Variants in SPAG16 observed in about 807,000 individuals in gnomAD.
The protein encoded by SPAG16 is sperm-associated antigen 16 protein.
A neutral mutation model predicts 80.4 loss-of-function variants in SPAG16; 86 were observed. That is an observed-to-expected ratio of 1.07 (90% CI 0.90 to 1.28). The LOEUF (loss-of-function observed/expected upper bound fraction) is 1.28, where lower values mean the gene tolerates loss of function less well. Among genes scored for constraint, SPAG16 ranks in the 50% most tolerant of loss-of-function variants. The pLI is 0.00. For missense variants in SPAG16, 870 were observed against 765.3 expected (o/e 1.14, Z -1.61); for synonymous variants, 294 against 265.9 (o/e 1.11, Z -1.03).
chr2:213,456,472 T>C (rs970265565), intron 9 of SPAG16, among the ~76,000 whole-genome samples: 5 of 152,234 alleles, frequency 3.3e-5, no homozygotes, highest in Admixed American at 6.5e-5. Flanking sequence ...AATTTTTTGA[T>C]GTTTTGAAAA....
chr2:213,462,349 G>T (rs2072422668), intron 9 of SPAG16, among the ~76,000 whole-genome samples: 1 of 152,190 alleles, frequency 6.6e-6, no homozygotes, highest in Admixed American at 6.5e-5. Context: ...AGCCATAAAA[G>T]CACCTCAGTG....
intron 9 of SPAG16, among the ~76,000 whole-genome samples, chr2:213,414,471 C>G (rs1307952663): frequency 2.6e-5 from 4 of 151,976 alleles, no homozygotes; most frequent in South Asian, 2.1e-4. Flanking sequence ...TAGCTTGAAT[C>G]TAGATTTCAA....
At chr2:213,949,770 C>A (rs181936175) in intron 12 of SPAG16, among the ~76,000 whole-genome samples, 1 of 152,274 alleles carries the variant, frequency 6.6e-6, no homozygotes, top group East Asian at 1.9e-4. Flanking sequence ...AAAATCCACA[C>A]AGAAACTATG....
At chr2:213,990,777 C>T (rs2046240422) in intron 12 of SPAG16, among the ~76,000 whole-genome samples, 1 of 151,950 alleles carries the variant, frequency 6.6e-6, no homozygotes, top group South Asian at 2.1e-4. Context: ...AGTTTAAACC[C>T]ATGTTGTTAA....
intron 10 of SPAG16, among the ~76,000 whole-genome samples, chr2:213,585,189 C>CA (rs754596152): frequency 0.11 from 9,415 of 88,056 alleles, 796 homozygotes; most frequent in African/African-American, 0.27. Context: ...GACTCCATCT[C>CA]AAAAAAAAAA....
chr2:213,581,919 T>G (rs2124859512), intron 10 of SPAG16, among the ~76,000 whole-genome samples: 1 of 152,214 alleles, frequency 6.6e-6, no homozygotes, highest in African/African-American at 2.4e-5. Context: ...CCACAAGATT[T>G]CCTTTTTTGC....
At chr2:214,334,268 G>A (rs956027274) in intron 15 of SPAG16, among the ~76,000 whole-genome samples, 54 of 152,310 alleles carry the variant, frequency 3.5e-4, no homozygotes, top group Admixed American at 1.3e-3. Flanking sequence ...CCTGAGGGGG[G>A]CACATATTGC....
chr2:213,899,010 CAT>C (rs1277867101), intron 11 of SPAG16, among the ~76,000 whole-genome samples: 1 of 152,068 alleles, frequency 6.6e-6, no homozygotes, highest in East Asian at 1.9e-4. Context: ...AAGTGAATCT[CAT>C]ATTTCAGTGT....
intron 6 of SPAG16, among the ~76,000 whole-genome samples, chr2:213,345,910 C>T (rs2125005966): frequency 6.6e-6 from 1 of 152,202 alleles, no homozygotes; most frequent in East Asian, 1.9e-4. Context: ...TTTTCCAGTT[C>T]TGTGAAGAAA....
intron 15 of SPAG16, among the ~76,000 whole-genome samples, chr2:214,370,272 G>A (rs562742863): frequency 6.6e-6 from 1 of 152,004 alleles, no homozygotes; most frequent in Non-Finnish European, 1.5e-5. Flanking sequence ...CAGTAGAGTT[G>A]TTTTTAGAAA....
At chr2:213,464,697 G>A (rs914192386) in intron 9 of SPAG16, among the ~76,000 whole-genome samples, 21 of 152,156 alleles carry the variant, frequency 1.4e-4, no homozygotes, top group African/African-American at 4.8e-4. Context: ...ATTGACTGGG[G>A]GGATTATTTT....
intron 13 of SPAG16, among the ~76,000 whole-genome samples, chr2:214,085,554 A>G (rs1413247271): frequency 6.6e-6 from 1 of 152,212 alleles, no homozygotes; most frequent in Non-Finnish European, 1.5e-5. Context: ...TCAAATTCCC[A>G]AATATAAAAT....
chr2:213,327,479 A>G (rs2063895250), intron 5 of SPAG16, among the ~76,000 whole-genome samples: 1 of 152,120 alleles, frequency 6.6e-6, no homozygotes, highest in African/African-American at 2.4e-5. Flanking sequence ...TGGGACGAGC[A>G]CAAATAGGCT....
chr2:213,389,584 T>C (rs2067629669), intron 9 of SPAG16, among the ~76,000 whole-genome samples: 2 of 152,112 alleles, frequency 1.3e-5, no homozygotes, highest in South Asian at 4.1e-4. Flanking sequence ...AAAAAAGGAC[T>C]TTAATAACAC....
At chr2:214,058,339 G>C (rs921800489) in intron 13 of SPAG16, among the ~76,000 whole-genome samples, 1 of 152,150 alleles carries the variant, frequency 6.6e-6, no homozygotes, top group Non-Finnish European at 1.5e-5. Flanking sequence ...TCAGTGAATA[G>C]AAAGTCCCAA....
chr2:213,301,009 G>A (rs2062720301), intron 3 of SPAG16, among the ~76,000 whole-genome samples: 1 of 151,982 alleles, frequency 6.6e-6, no homozygotes, highest in African/African-American at 2.4e-5. Context: ...AATCTCACGA[G>A]GGATTAATAT....
intron 14 of SPAG16, among the ~76,000 whole-genome samples, chr2:214,115,080 A>G (rs1379671980): frequency 1.3e-5 from 2 of 152,236 alleles, no homozygotes; most frequent in East Asian, 3.8e-4. Flanking sequence ...ATATTTATTA[A>G]CTACTAATAT....
intron 10 of SPAG16, among the ~76,000 whole-genome samples, chr2:213,560,375 A>C (rs916621681): frequency 1.3e-5 from 2 of 152,168 alleles, no homozygotes; most frequent in African/African-American, 2.4e-5. Context: ...CATAGGAAGG[A>C]AATCCACATG....
At position 214,247,518 on chromosome 2, in the gene SPAG16, T is replaced by C. The variant is rs565331368; in HGVS notation, c.1720+98252T>C. On this transcript the variant is annotated intron_variant, in intron 15 of 15. Coordinates refer to ENST00000331683, the MANE Select transcript of SPAG16 (RefSeq NM_024532.5). ...CTGAATAAAAGCCTACAAGAAACAG[T>C]GATTAATTAGAGTGTGACTTTAAAA... Among the ~76,000 whole-genome samples, 7 of 152,256 alleles carry C rather than the reference T, an allele frequency of 4.6e-5. No homozygotes were observed. In the South Asian group the frequency reaches 1.2e-3, roughly 27 times the overall value.
Sources: allele counts gnomAD v4.1 joint callset (sites outside exome capture counted in the v4.1 genomes callset), GRCh38; gene constraint gnomAD v4.1.1; transcripts MANE v1.5; gene names NCBI Gene and HGNC (gene_info 2026-07-23, HGNC 2026-07-21).